MMRN2: variants seen among roughly 807,000 people sequenced by gnomAD.
MMRN2 encodes the protein multimerin-2.
MMRN2 carries 53 observed loss-of-function variants against 68.8 expected under a neutral mutation model. That is an observed-to-expected ratio of 0.77 (90% CI 0.62 to 0.97). The LOEUF is 0.97. Ranked by LOEUF, MMRN2 falls within the 50% of genes least tolerant of loss-of-function variation. MMRN2 has a pLI of 0.00. For missense variants in MMRN2, 1,266 were observed against 1,259.5 expected (o/e 1.01, Z -0.08); for synonymous variants, 564 against 551.6 (o/e 1.02, Z -0.32).
chr10:86,935,910 T>C lies in MMRN2; in HGVS notation c.*833A>G, dbSNP rs1843870932. ...TGGGGAGGCCTCAGGAAACTTACAA[T>C]CATGGCAGACAGTGAAGAGGAACCA... On this transcript the variant is annotated 3_prime_UTR_variant, in exon 7 of 7. Coordinates refer to ENST00000372027, the MANE Select transcript of MMRN2 (RefSeq NM_024756.3). The C allele has an allele frequency of 6.6e-6, 1 of 152,390 alleles. No homozygotes were observed. Among genetic ancestry groups the C allele is most frequent in the African/African-American group, 2.4e-5 (1 of 41,440 alleles). The allele number at this position is 152,390 out of a possible 1,614,324, so 9.4% of individuals were successfully genotyped here.
At chr10:86,956,639 TCAGGCTC>T (rs1186465156) in intron 1 of MMRN2, among the ~76,000 whole-genome samples, 4 of 152,218 alleles carry the variant, frequency 2.6e-5, no homozygotes, top group African/African-American at 9.6e-5. Flanking sequence ...TCTCTGAGCC[TCAGGCTC>T]CTCCTCTGTA....
rs536767309 is a variant in MMRN2 at position 86,943,982 on chromosome 10, C to T, written c.802G>A (p.Ala268Thr). 28 of 1,614,126 alleles carry T rather than the reference C, an allele frequency of 1.7e-5. No homozygotes were observed. In the African/African-American group the frequency reaches 3.7e-4, roughly 22 times the overall value. The change falls in exon 6 of 7, where the codon GCC becomes ACC. Residue 268 changes from alanine to threonine, a missense_variant. Transcript: ENST00000372027. This position sits in a 1 kb window ranked among gnomAD's most constrained non-coding sequence, Gnocchi z 4.2. ...AIRNLSLDVE[A>T]NRQAISRVQD... is the part of the protein sequence containing the mutation. ...ACTCTGGAGATGGCCTGGCGGTTGG[C>T]CTCCACGTCAAGAGACAGGTTTCTT... is the stretch of plus-strand genomic sequence containing the variant.
chr10:86,944,664 C>T, intron 4 of MMRN2: 1 of 547,290 alleles, frequency 1.8e-6, no homozygotes, highest in South Asian at 2.4e-5. Flanking sequence ...ATGGTACACT[C>T]CCCTCCTCAG....
chr10:86,945,751 T>A (rs764906790), intron 1 of MMRN2, 62 bp from the exon 2 acceptor site: 1 of 1,609,716 alleles, frequency 6.2e-7, no homozygotes, highest in Admixed American at 1.7e-5. Context: ...GGGGTGCCAG[T>A]GCAGAGCCAC....
chr10:86,939,005 AT>A (rs1156690756), intron 6 of MMRN2, among the ~76,000 whole-genome samples: 1 of 151,776 alleles, frequency 6.6e-6, no homozygotes, highest in Non-Finnish European at 1.5e-5. Flanking sequence ...TCTACTAAAA[AT>A]ACAAAATTAG....
intron 1 of MMRN2, chr10:86,948,638 A>C (rs575857946): frequency 6.6e-6 from 1 of 152,280 alleles, no homozygotes; most frequent in South Asian, 2.1e-4. Context: ...GAAAGAGAGA[A>C]CAGATGGAGA....
At chr10:86,939,675 A>T in intron 6 of MMRN2, among the ~76,000 whole-genome samples, 1 of 151,152 alleles carries the variant, frequency 6.6e-6, no homozygotes, top group South Asian at 2.1e-4. Flanking sequence ...AGAGACCCCC[A>T]CCCCAACCCA....
At position 86,942,851 on chromosome 10, in the gene MMRN2, C is replaced by A. The variant is rs773611318; in HGVS notation, c.1933G>T (p.Ala645Ser). The A allele has an allele frequency of 1.4e-6, 2 of 1,389,364 alleles. No individual in the cohort carries two copies. Among genetic ancestry groups the A allele is most frequent in the Non-Finnish European group, 1.9e-6 (2 of 1,072,842 alleles). The allele number at this position is 1,389,364 out of a possible 1,614,324, so 86.1% of individuals were successfully genotyped here. The change falls in exon 6 of 7, where the codon GCT (alanine) becomes TCT (serine). Residue 645 changes from alanine to serine, a missense_variant. Coordinates refer to ENST00000372027, the MANE Select transcript of MMRN2 (RefSeq NM_024756.3). ...AGCGCCTGCTCCTGCAGCCCGCTAG[C>A]GGCGTCCTGCAGGGCCACGCGGATC... ...EQIRVALQDA[A>S]SGLQEQALGW...
In MMRN2 at chr10:86,943,735, T is replaced by G; in HGVS notation, c.1049A>C (p.Asn350Thr). Residue 350 changes from asparagine (N) to threonine (T), a missense_variant, in exon 6 of 7, where the codon AAT becomes ACT. Asn to Thr is a moderately conservative substitution (Grantham distance 65). Coordinates refer to ENST00000372027, the MANE Select transcript of MMRN2 (RefSeq NM_024756.3). This position sits in a 1 kb window ranked among gnomAD's most constrained non-coding sequence, Gnocchi z 4.2. ...LHKAQEAPGT[N>T]GSLVLATPGA... ...AGGCGTTGCCAACACCAGACTGCCA[T>G]TGGTCCCTGGGGCCTCCTGAGCCTT... The G allele has an allele frequency of 6.2e-7, 1 of 1,608,616 alleles. No individual in the cohort carries two copies. Among genetic ancestry groups the G allele is most frequent in the East Asian group, 2.2e-5 (1 of 44,866 alleles).
Position 86,944,072 on chromosome 10 carries a change from G to A in MMRN2, c.712C>T (p.Gln238Ter), listed in dbSNP as rs746261001. 1.2e-6 allele frequency: 2 copies of A among 1,614,036 alleles called. No homozygotes were observed. The highest frequency in any genetic ancestry group is 1.3e-5 in the African/African-American group (1 of 74,946). Residue 238 changes from glutamine (Q) to a stop codon, truncating the protein, a stop_gained, in exon 6 of 7, where the codon CAA becomes TAA. Transcript: ENST00000372027. LOFTEE classifies it high-confidence loss of function. ...CTCCAGATGGGGCTGAAATGCACTT[G>A]TAGGAAGGTGTCCACGTGGGGTAGC... The part of the protein sequence containing the change: ...VLLPHVDTFL[Q>*]VHFSPIWRSF...
At chr10:86,952,182 G>T (rs769161482) in intron 1 of MMRN2, among the ~76,000 whole-genome samples, 31 of 152,338 alleles carry the variant, frequency 2.0e-4, no homozygotes, top group Non-Finnish European at 4.1e-4. Flanking sequence ...TGGGAACAGA[G>T]ACCAGGAAGG....
At chr10:86,953,944 C>T (rs905935946) in intron 1 of MMRN2, 3 of 152,422 alleles carry the variant, frequency 2.0e-5, no homozygotes, top group East Asian at 1.9e-4. Flanking sequence ...GGCTTCAGCA[C>T]TGCTATTCTC....
rs1844016615 is a variant in MMRN2 at position 86,943,607 on chromosome 10, C to T, written c.1177G>A (p.Glu393Lys). ...ATGTCCTCCAGGGTGTACTGCAACTCCTCCTCCCTGCGGGCCGTGGTCATG... is the reference window on the plus strand; with the variant it reads ...ATGTCCTCCAGGGTGTACTGCAACTTCTCCTCCCTGCGGGCCGTGGTCATG... ...LHMTTARREE[E>K]LQYTLEDMRA... Residue 393 changes from glutamate to lysine, a missense_variant, in exon 6 of 7, where the codon GAG (glutamate) becomes AAG (lysine). Glu to Lys is a moderately conservative substitution (Grantham distance 56). Transcript: ENST00000372027. The surrounding 1 kb of genome is among the most constrained non-coding windows in gnomAD (Gnocchi z 4.2). 1.2e-6 allele frequency: 2 copies of T among 1,614,006 alleles called. No homozygotes were observed. The highest frequency in any genetic ancestry group is 1.7e-6 in the Non-Finnish European group (2 of 1,180,024).
chr10:86,941,552 C>A (rs1188397400), intron 6 of MMRN2, among the ~76,000 whole-genome samples: 1 of 151,998 alleles, frequency 6.6e-6, no homozygotes, highest in African/African-American at 2.4e-5. Context: ...AATCCTAACA[C>A]TTTAGGAGGC....
intron 1 of MMRN2, among the ~76,000 whole-genome samples, chr10:86,953,572 G>C (rs1844172918): frequency 6.6e-6 from 1 of 152,164 alleles, no homozygotes; most frequent in Non-Finnish European, 1.5e-5. Flanking sequence ...ACTTTCCCCA[G>C]GTGCATTGTC....
chr10:86,952,696 A>G (rs1304208435), intron 1 of MMRN2, among the ~76,000 whole-genome samples: 2 of 152,200 alleles, frequency 1.3e-5, no homozygotes, highest in Admixed American at 6.5e-5. Context: ...CAAGGACAAA[A>G]TCAAAAACTC....
At chr10:86,947,375 T>TC (rs2133682361) in intron 1 of MMRN2, among the ~76,000 whole-genome samples, 1 of 148,780 alleles carries the variant, frequency 6.7e-6, no homozygotes, top group Admixed American at 6.7e-5. Flanking sequence ...TCGAGTGACT[T>TC]TTTTTTTTTT....
chr10:86,942,891 G>C lies in MMRN2; in HGVS notation c.1893C>G (p.Pro631=), dbSNP rs891136678. 5 of 1,452,952 alleles carry C rather than the reference G, an allele frequency of 3.4e-6. No homozygotes were observed. In the African/African-American group the frequency reaches 7.4e-5, roughly 21 times the overall value. 90.0% of individuals were successfully genotyped at this position (1,452,952 alleles called of 1,614,324 possible). Residue 631 remains proline (P), a synonymous_variant, in exon 6 of 7, where the codon CCC becomes CCG. Coordinates refer to ENST00000372027, the MANE Select transcript of MMRN2 (RefSeq NM_024756.3). ...CCACGCGGATCTGCTCGTAGCTCAGGGGCAGCGGTCCCGGCGTCTGCTCAG... is the reference window on the plus strand; with the variant it reads ...CCACGCGGATCTGCTCGTAGCTCAGCGGCAGCGGTCCCGGCGTCTGCTCAG... ...EMSEQTPGPL[P]LSYEQIRVAL...
intron 1 of MMRN2, among the ~76,000 whole-genome samples, chr10:86,953,462 C>G (rs77445746): frequency 0.12 from 17,832 of 152,066 alleles, 1,093 homozygotes; most frequent in East Asian, 0.18. Context: ...TGCCGCGGCT[C>G]CAGCCTGTCC....
Sources: allele counts gnomAD v4.1 joint callset (sites outside exome capture counted in the v4.1 genomes callset), GRCh38; gene constraint gnomAD v4.1.1; non-coding constraint Gnocchi (gnomAD v3.1); transcripts MANE v1.5; gene names NCBI Gene and HGNC (gene_info 2026-07-23, HGNC 2026-07-21).